Variants in SPTBN1 observed in about 807,000 individuals in gnomAD.
SPTBN1 encodes the protein spectrin beta, non-erythrocytic 1.
Under a neutral mutation model 266.4 loss-of-function variants are expected in SPTBN1, and 32 were observed. That is an observed-to-expected ratio of 0.12 (90% CI 0.09 to 0.16). The LOEUF is 0.16. SPTBN1 is among the 10% of genes least tolerant of loss of function. SPTBN1 has a pLI of 1.00. For missense variants in SPTBN1, 2,296 were observed against 3,067.1 expected, an observed-to-expected ratio of 0.75 and a Z score of 5.94; for synonymous variants, 1,336 against 1,162.2, an observed-to-expected ratio of 1.15 and a Z score of -3.04.
chr2:54,626,093 G>A lies in SPTBN1; in HGVS notation c.1503G>A (p.Ala501=), dbSNP rs751840008. ...ACCACGACATCAAGCGCATCACAGC[G>A]AGGAAGGACAATGTCATCCGGCTCT... is the stretch of plus-strand genomic sequence containing the variant. ...ENYHDIKRIT[A]RKDNVIRLWE... is the part of the protein sequence containing the mutation. Residue 501 remains alanine (A), a synonymous_variant, in exon 12 of 36, where the codon GCG becomes GCA. Coordinates refer to ENST00000356805, the MANE Select transcript of SPTBN1 (RefSeq NM_003128.3). This position sits in a 1 kb window ranked among gnomAD's most constrained non-coding sequence, Gnocchi z 4.7. The A allele has an allele frequency of 6.8e-6, 11 of 1,614,054 alleles. No individual in the cohort carries two copies. The highest frequency in any genetic ancestry group is 5.5e-5 in the South Asian group (5 of 91,086).
At chr2:54,522,701 A>AGAGAGAGAGAG (rs1558802720) in intron 1 of SPTBN1, among the ~76,000 whole-genome samples, 1 of 70,144 alleles carries the variant, frequency 1.4e-5, no homozygotes, top group Non-Finnish European at 3.1e-5. Context: ...GAGAGAGAGA[A>AGAGAGAGAGAG]AGAAAGAAAG....
chr2:54,581,019 G>C (rs1386555969), intron 2 of SPTBN1, among the ~76,000 whole-genome samples: 1 of 151,876 alleles, frequency 6.6e-6, no homozygotes, highest in African/African-American at 2.4e-5. Flanking sequence ...AGTCGCTTGA[G>C]TCCGGGTGGT....
intron 2 of SPTBN1, among the ~76,000 whole-genome samples, chr2:54,555,927 C>T (rs1672836730): frequency 6.6e-6 from 1 of 152,166 alleles, no homozygotes; most frequent in South Asian, 2.1e-4. Flanking sequence ...TCCTCCTTGT[C>T]CTCTGAATTC....
intron 1 of SPTBN1, among the ~76,000 whole-genome samples, chr2:54,465,588 G>A (rs1693584233): frequency 3.5e-5 from 5 of 143,380 alleles, no homozygotes; most frequent in African/African-American, 1.0e-4. Flanking sequence ...CCTGTGCAAT[G>A]TTATATTTTT....
At chr2:54,597,498 C>T (rs1265841653) in intron 2 of SPTBN1, among the ~76,000 whole-genome samples, 9 of 152,134 alleles carry the variant, frequency 5.9e-5, no homozygotes, top group Non-Finnish European at 1.5e-5. Flanking sequence ...GGGGAAGGGC[C>T]CTCCTTCTGT....
At chr2:54,617,580 C>T (rs1377140846) in intron 5 of SPTBN1, 28 bp from the exon 6 acceptor site, 10 of 1,610,946 alleles carry the variant, frequency 6.2e-6, no homozygotes, top group Non-Finnish European at 7.6e-6. Context: ...AATTGTGTTG[C>T]TTTTCCCTTC....
intron 1 of SPTBN1, among the ~76,000 whole-genome samples, chr2:54,521,520 T>G (rs1261694458): frequency 6.6e-6 from 1 of 152,174 alleles, no homozygotes; most frequent in Non-Finnish European, 1.5e-5. Context: ...ACTCAGAGCA[T>G]TGCTTTTTTT....
intron 18 of SPTBN1, among the ~76,000 whole-genome samples, chr2:54,641,790 T>C (rs1361207643): frequency 6.6e-6 from 1 of 151,116 alleles, no homozygotes; most frequent in African/African-American, 2.4e-5. Context: ...CTCCTTGACA[T>C]CATTTCCAAA....
chr2:54,596,537 A>C (rs908565629), intron 2 of SPTBN1, among the ~76,000 whole-genome samples: 1 of 151,974 alleles, frequency 6.6e-6, no homozygotes. Context: ...GTCTTTTCCA[A>C]CGTGGGGGTG....
rs1004764509 is a variant in SPTBN1, at chr2:54,524,627, C to A, written c.-47-1745C>A. Among the ~76,000 whole-genome samples the A allele has an allele frequency of 2.0e-5, 3 of 152,156 alleles. No homozygotes were observed. In the South Asian group the frequency reaches 6.2e-4, roughly 32 times the overall value. On this transcript the variant is annotated intron_variant, in intron 1 of 35. Transcript: ENST00000356805. ...GCCTAGAATCTGTTTTCCACACAGCCCTGGGAAGAATATTTTACAAATACA... is the reference window on the plus strand; with the variant it reads ...GCCTAGAATCTGTTTTCCACACAGCACTGGGAAGAATATTTTACAAATACA...
Position 54,630,907 on chromosome 2 carries a change from G to T in SPTBN1, c.2860G>T (p.Ala954Ser), listed in dbSNP as rs746022423. ...CAGGAAGAAGGATGCCCTCCTGTCT[G>T]CCCTGAGCATCCAGAACTACCACCT... ...VDRKKDALLS[A>S]LSIQNYHLEC... Residue 954 changes from alanine to serine, a missense_variant, in exon 16 of 36, where the codon GCC becomes TCC. Coordinates refer to ENST00000356805, the MANE Select transcript of SPTBN1 (RefSeq NM_003128.3). The T allele has an allele frequency of 6.2e-7, 1 of 1,612,864 alleles. No individual in the cohort carries two copies. The highest frequency in any genetic ancestry group is 1.1e-5 in the South Asian group (1 of 90,784).
At chr2:54,655,011 C>T in intron 27 of SPTBN1, 59 bp from the exon 28 acceptor site, 1 of 1,557,930 alleles carries the variant, frequency 6.4e-7, no homozygotes, top group Non-Finnish European at 8.7e-7. Flanking sequence ...TGTTTTAAAA[C>T]CTACACATTT....
At chr2:54,547,283 A>G (rs1485317003) in intron 2 of SPTBN1, among the ~76,000 whole-genome samples, 1 of 152,338 alleles carries the variant, frequency 6.6e-6, no homozygotes, top group South Asian at 2.1e-4. Context: ...CATCCATGTT[A>G]TAGCATATGA....
chr2:54,652,542 T>C (rs1680365567), intron 26 of SPTBN1: 1 of 152,212 alleles, frequency 6.6e-6, no homozygotes, highest in Non-Finnish European at 1.5e-5. Context: ...CTGCAGTAAA[T>C]AATCTATGCA....
chr2:54,602,886 C>T (rs1441267753), intron 3 of SPTBN1, among the ~76,000 whole-genome samples: 1 of 152,200 alleles, frequency 6.6e-6, no homozygotes, highest in African/African-American at 2.4e-5. Flanking sequence ...GAGAACCATA[C>T]TGGTACATAT....
intron 1 of SPTBN1, among the ~76,000 whole-genome samples, chr2:54,499,228 T>C (rs1344158114): frequency 1.3e-5 from 2 of 152,238 alleles, no homozygotes; most frequent in African/African-American, 4.8e-5. Context: ...TGTATTTGTT[T>C]TAATTTTTTT....
At chr2:54,497,479 GA>G (rs1294497365) in intron 1 of SPTBN1, among the ~76,000 whole-genome samples, 1 of 152,054 alleles carries the variant, frequency 6.6e-6, no homozygotes, top group African/African-American at 2.4e-5. Context: ...TTGATGCCAG[GA>G]ATTTCCTTTC....
rs536362937 is a variant in SPTBN1, at chr2:54,475,067, G to A, written c.-48+18549G>A. The stretch of plus-strand genomic sequence containing the variant: ...TAAAAATACAAAAAATTAGCCGGGC[G>A]TGGTGGCACATGCCTATAATCCCAG... On this transcript the variant is annotated intron_variant, in intron 1 of 35. Coordinates refer to ENST00000356805, the MANE Select transcript of SPTBN1 (RefSeq NM_003128.3). Among the ~76,000 whole-genome samples, 16 of 152,182 alleles carry A rather than the reference G, an allele frequency of 1.1e-4. No individual in the cohort carries two copies. In the South Asian group the frequency reaches 1.5e-3, roughly 14 times the overall value.
chr2:54,635,244 TC>T (rs1679040481), intron 17 of SPTBN1, among the ~76,000 whole-genome samples: 2 of 152,232 alleles, frequency 1.3e-5, no homozygotes, highest in African/African-American at 4.8e-5. Context: ...GAATCCGTGA[TC>T]CAACATGGAG....
Sources: allele counts gnomAD v4.1 joint callset (sites outside exome capture counted in the v4.1 genomes callset), GRCh38; gene constraint gnomAD v4.1.1; non-coding constraint Gnocchi (gnomAD v3.1); transcripts MANE v1.5; gene names NCBI Gene and HGNC (gene_info 2026-07-23, HGNC 2026-07-21).